CNTNAP2: variants seen among roughly 807,000 people sequenced by gnomAD.
CNTNAP2 encodes the protein contactin-associated protein-like 2.
CNTNAP2 carries 98 observed loss-of-function variants against 155.2 expected under a neutral mutation model. The ratio of observed to expected loss-of-function variants is 0.63; its 90% CI spans 0.54 to 0.75. The LOEUF is 0.75. Among genes scored for constraint, CNTNAP2 ranks in the 30% least tolerant of loss-of-function variants. CNTNAP2 has a pLI of 0.00. For missense variants in CNTNAP2, 1,727 were observed against 1,688.1 expected (o/e 1.02, Z -0.40); for synonymous variants, 651 against 631.2 (o/e 1.03, Z -0.47).
At chr7:147,621,336 A>G (rs1794847642) in intron 12 of CNTNAP2, among the ~76,000 whole-genome samples, 1 of 151,980 alleles carries the variant, frequency 6.6e-6, no homozygotes, top group African/African-American at 2.4e-5. Flanking sequence ...AAAACATGGA[A>G]TATTATAACA....
At chr7:146,874,994 G>A (rs969720470) in intron 3 of CNTNAP2, among the ~76,000 whole-genome samples, 5 of 152,130 alleles carry the variant, frequency 3.3e-5, no homozygotes, top group African/African-American at 9.7e-5. Flanking sequence ...CTACATCAAC[G>A]TCATTAACTT....
At chr7:146,220,695 T>A (rs60890308) in intron 1 of CNTNAP2, among the ~76,000 whole-genome samples, 4,589 of 152,296 alleles carry the variant, frequency 0.03, 234 homozygotes, top group African/African-American at 0.11. Context: ...ATATAATATC[T>A]GATTAATACT....
chr7:146,498,067 C>A (rs1240312398), intron 1 of CNTNAP2, among the ~76,000 whole-genome samples: 1 of 152,024 alleles, frequency 6.6e-6, no homozygotes, highest in African/African-American at 2.4e-5. Context: ...TAATAAATGG[C>A]ATGTAGTCTG....
At chr7:147,524,195 A>G in intron 11 of CNTNAP2, among the ~76,000 whole-genome samples, 1 of 152,146 alleles carries the variant, frequency 6.6e-6, no homozygotes. Context: ...TCCTTTTGCT[A>G]TTACTATATA....
chr7:147,201,147 C>T (rs1395806438), intron 8 of CNTNAP2, among the ~76,000 whole-genome samples: 1 of 152,130 alleles, frequency 6.6e-6, no homozygotes, highest in Non-Finnish European at 1.5e-5. Context: ...CAGAGAGAGG[C>T]CTTTTCACAG....
chr7:146,373,407 C>A (rs1584894795), intron 1 of CNTNAP2, among the ~76,000 whole-genome samples: 1 of 146,628 alleles, frequency 6.8e-6, no homozygotes, highest in Non-Finnish European at 1.5e-5. Context: ...TTAACACATA[C>A]ACACACACAC....
chr7:146,150,911 G>A (rs1483784519), intron 1 of CNTNAP2, among the ~76,000 whole-genome samples: 2 of 151,992 alleles, frequency 1.3e-5, no homozygotes, highest in Non-Finnish European at 2.9e-5. Flanking sequence ...GCCCAATACA[G>A]GGTAATTTAT....
intron 21 of CNTNAP2, among the ~76,000 whole-genome samples, chr7:148,281,451 A>G (rs1164735590): frequency 1.3e-5 from 2 of 152,248 alleles, no homozygotes; most frequent in Non-Finnish European, 2.9e-5. Context: ...GCAGCAGGAA[A>G]GCACTGATGA....
At chr7:146,927,217 T>A (rs1303344672) in intron 3 of CNTNAP2, among the ~76,000 whole-genome samples, 2 of 152,204 alleles carry the variant, frequency 1.3e-5, no homozygotes, top group Admixed American at 6.5e-5. Flanking sequence ...CAAGAACTGA[T>A]GAGTTATAAC....
chr7:146,163,505 A>C (rs1356015320), intron 1 of CNTNAP2, among the ~76,000 whole-genome samples: 4 of 43,210 alleles, frequency 9.3e-5, no homozygotes, highest in Non-Finnish European at 1.8e-4. Flanking sequence ...ATATCTATAT[A>C]TCTATATATA....
At chr7:146,352,790 T>C (rs1187364889) in intron 1 of CNTNAP2, among the ~76,000 whole-genome samples, 1 of 128,794 alleles carries the variant, frequency 7.8e-6, no homozygotes, top group African/African-American at 3.2e-5. Context: ...AGTCTCTCTC[T>C]GTCGCCCAGG....
intron 1 of CNTNAP2, among the ~76,000 whole-genome samples, chr7:146,670,110 T>G (rs1285871939): frequency 6.6e-6 from 1 of 152,232 alleles, no homozygotes; most frequent in Non-Finnish European, 1.5e-5. Context: ...TAGTTTTGTT[T>G]CTTTTTAAGA....
intron 15 of CNTNAP2, among the ~76,000 whole-genome samples, chr7:148,011,779 T>C (rs1339611540): frequency 6.6e-6 from 1 of 152,184 alleles, no homozygotes; most frequent in Non-Finnish European, 1.5e-5. Context: ...AGGCCTGTGG[T>C]TATGAACTCT....
At position 147,731,882 on chromosome 7, in the gene CNTNAP2, A is replaced by G. The variant is rs555827239; in HGVS notation, c.2098+92576A>G. On this transcript the variant is annotated intron_variant, in intron 13 of 23. Transcript: ENST00000361727. Reference sequence around the variant, plus strand: ...TATGGATGACTTCGAGGGGTTCAAGACTCCAGTGGTGGAAGTAACTGCAGA... The same window carrying G: ...TATGGATGACTTCGAGGGGTTCAAGGCTCCAGTGGTGGAAGTAACTGCAGA... 3.3e-5 allele frequency among the ~76,000 whole-genome samples: 5 copies of G among 152,170 alleles called. No individual in the cohort carries two copies. The South Asian group carries it at 1.0e-3, about 32-fold the overall frequency.
intron 1 of CNTNAP2, among the ~76,000 whole-genome samples, chr7:146,279,701 A>C (rs1385637605): frequency 2.6e-5 from 4 of 152,102 alleles, no homozygotes; most frequent in Admixed American, 1.3e-4. Flanking sequence ...AAGTACAGAA[A>C]AAATATAACT....
intron 3 of CNTNAP2, among the ~76,000 whole-genome samples, chr7:146,906,825 A>G (rs1036549433): frequency 1.5e-4 from 21 of 140,502 alleles, no homozygotes; most frequent in African/African-American, 5.2e-4. Context: ...GAGCTGAGAG[A>G]AGAAGGCTTC....
At chr7:147,089,384 T>C (rs914922051) in intron 4 of CNTNAP2, among the ~76,000 whole-genome samples, 3 of 152,164 alleles carry the variant, frequency 2.0e-5, no homozygotes, top group African/African-American at 4.8e-5. Flanking sequence ...CCTTTATAAA[T>C]AGCATCCACT....
At chr7:146,508,888 C>T (rs1045734587) in intron 1 of CNTNAP2, among the ~76,000 whole-genome samples, 2 of 152,218 alleles carry the variant, frequency 1.3e-5, no homozygotes, top group African/African-American at 4.8e-5. Flanking sequence ...GTATGAGTCA[C>T]CACTGGGGCC....
intron 10 of CNTNAP2, among the ~76,000 whole-genome samples, chr7:147,445,429 A>G (rs1444246404): frequency 1.3e-5 from 2 of 152,152 alleles, no homozygotes; most frequent in African/African-American, 4.8e-5. Context: ...AAAATTGTGG[A>G]TCTAGAAATT....
Sources: gnomAD v4.1 joint callset for allele counts (sites outside exome capture counted in the v4.1 genomes callset) on GRCh38, gnomAD v4.1.1 for gene constraint, MANE v1.5 for transcripts, NCBI Gene and HGNC (gene_info 2026-07-23, HGNC 2026-07-21) for gene names.